MITF: variants seen among roughly 807,000 people sequenced by gnomAD.
MITF encodes the protein melanocyte inducing transcription factor.
Under a neutral mutation model 60.5 loss-of-function variants are expected in MITF, and 17 were observed. That is an observed-to-expected ratio of 0.28 (90% CI 0.19 to 0.42). The LOEUF is 0.42. Ranked by LOEUF, MITF falls within the 10% of genes least tolerant of loss-of-function variation. The probability of loss-of-function intolerance (pLI) is 1.00; values close to 1 mark genes in which losing one functional copy is unlikely to be tolerated. For synonymous variants in MITF, 260 were observed against 248.5 expected (o/e 1.05, Z -0.43); for missense variants, 622 against 683.5 (o/e 0.91, Z 1.00).
chr3:69,803,007 C>T (rs910776295), intron 1 of MITF, among the ~76,000 whole-genome samples: 4 of 151,930 alleles, frequency 2.6e-5, no homozygotes, highest in Non-Finnish European at 5.9e-5. Flanking sequence ...GAACTCCCGA[C>T]CTCAGGCGAT....
At chr3:69,852,439 A>G (rs915519026) in intron 1 of MITF, among the ~76,000 whole-genome samples, 2 of 152,204 alleles carry the variant, frequency 1.3e-5, no homozygotes, top group Admixed American at 1.3e-4. Context: ...GTACTCTCAT[A>G]TCTGGATTCT....
At chr3:69,760,550 C>A (rs1244249568) in intron 1 of MITF, among the ~76,000 whole-genome samples, 2 of 152,144 alleles carry the variant, frequency 1.3e-5, no homozygotes, top group Non-Finnish European at 2.9e-5. Flanking sequence ...ACAGGTTACT[C>A]AGAAATCTCT....
chr3:69,891,492 G>A (rs2064758276), intron 2 of MITF, among the ~76,000 whole-genome samples: 1 of 152,146 alleles, frequency 6.6e-6, no homozygotes, highest in African/African-American at 2.4e-5. Context: ...GATTCCCTGT[G>A]CCTATCCCAG....
intron 1 of MITF, among the ~76,000 whole-genome samples, chr3:69,847,987 C>T (rs1246125319): frequency 2.0e-5 from 3 of 152,328 alleles, no homozygotes; most frequent in Middle Eastern, 3.4e-3. Context: ...GCTTCAACTC[C>T]TTCTTTTCTA....
At chr3:69,950,683 C>A (rs2066227584) in intron 6 of MITF, among the ~76,000 whole-genome samples, 1 of 150,570 alleles carries the variant, frequency 6.6e-6, no homozygotes, top group South Asian at 2.1e-4. Flanking sequence ...AAAAAGATTT[C>A]TATTTTGAGA....
chr3:69,777,300 G>T (rs2062490437), intron 1 of MITF, among the ~76,000 whole-genome samples: 1 of 152,138 alleles, frequency 6.6e-6, no homozygotes. Flanking sequence ...GTTATATCTT[G>T]TTTGTGGCAT....
chr3:69,839,384 T>C (rs2063591238), intron 1 of MITF, among the ~76,000 whole-genome samples: 1 of 151,944 alleles, frequency 6.6e-6, no homozygotes, highest in Non-Finnish European at 1.5e-5. Flanking sequence ...GATTTTCTTT[T>C]TTTTTTTTTT....
intron 1 of MITF, among the ~76,000 whole-genome samples, chr3:69,767,188 C>A (rs2062310217): frequency 6.6e-6 from 1 of 152,188 alleles, no homozygotes; most frequent in South Asian, 2.1e-4. Flanking sequence ...TATGGAGCAC[C>A]TCCTGTATGC....
chr3:69,925,920 T>TAC, intron 2 of MITF, among the ~76,000 whole-genome samples: 1 of 152,198 alleles, frequency 6.6e-6, no homozygotes, highest in South Asian at 2.1e-4. Flanking sequence ...ATGAGATTCT[T>TAC]ATTCCTTTGT....
chr3:69,887,036 G>A (rs2064636216), intron 2 of MITF, among the ~76,000 whole-genome samples: 1 of 151,904 alleles, frequency 6.6e-6, no homozygotes, highest in Admixed American at 6.6e-5. Flanking sequence ...TGCATTTTTG[G>A]TTTTTCCTTT....
chr3:69,940,582 CTGTA>C (rs2065945753), intron 4 of MITF, among the ~76,000 whole-genome samples: 1 of 152,162 alleles, frequency 6.6e-6, no homozygotes, highest in Non-Finnish European at 1.5e-5. Context: ...ACACTGGTAG[CTGTA>C]CAAGGAGAAA....
chr3:69,741,854 T>G (rs1396716286), intron 1 of MITF, among the ~76,000 whole-genome samples: 1 of 152,236 alleles, frequency 6.6e-6, no homozygotes, highest in Non-Finnish European at 1.5e-5. Flanking sequence ...GGCTGCACAT[T>G]GTTCAGGGCC....
At chr3:69,758,190 G>C (rs1402340060) in intron 1 of MITF, among the ~76,000 whole-genome samples, 1 of 150,312 alleles carries the variant, frequency 6.7e-6, no homozygotes, top group Non-Finnish European at 1.5e-5. Flanking sequence ...TTTTTTTTAA[G>C]ACAGGGTCTC....
At chr3:69,766,411 G>C (rs1482589593) in intron 1 of MITF, among the ~76,000 whole-genome samples, 4 of 116,242 alleles carry the variant, frequency 3.4e-5, no homozygotes, top group East Asian at 5.3e-4. Flanking sequence ...TTTTTTAGTA[G>C]AGATGGGGTT....
intron 2 of MITF, among the ~76,000 whole-genome samples, chr3:69,898,617 CAG>C (rs2064929633): frequency 6.6e-6 from 1 of 152,110 alleles, no homozygotes. Flanking sequence ...GCCAGTAGGA[CAG>C]AGGGGGAGAA....
intron 1 of MITF, among the ~76,000 whole-genome samples, chr3:69,831,331 T>A (rs1452730727): frequency 6.6e-6 from 1 of 152,154 alleles, no homozygotes. Flanking sequence ...GGGTTAAGGG[T>A]TGACGTTCTT....
chr3:69,856,138 G>A (rs919324576), intron 1 of MITF, among the ~76,000 whole-genome samples: 8 of 152,110 alleles, frequency 5.3e-5, no homozygotes. Flanking sequence ...AATAGAGTGG[G>A]CCACTCTATC....
intron 1 of MITF, among the ~76,000 whole-genome samples, chr3:69,776,883 A>G (rs1226453057): frequency 6.6e-6 from 1 of 152,246 alleles, no homozygotes; most frequent in Non-Finnish European, 1.5e-5. Context: ...TACTATGAAT[A>G]TGCCTCTGGC....
intron 1 of MITF, among the ~76,000 whole-genome samples, chr3:69,877,179 A>T (rs1325392692): frequency 6.6e-6 from 1 of 152,234 alleles, no homozygotes; most frequent in Non-Finnish European, 1.5e-5. Flanking sequence ...TATTGAATTC[A>T]TATATGATAA....
Sources: allele counts gnomAD v4.1 joint callset (sites outside exome capture counted in the v4.1 genomes callset), GRCh38; gene constraint gnomAD v4.1.1; transcripts MANE v1.5; gene names NCBI Gene and HGNC (gene_info 2026-07-23, HGNC 2026-07-21).